FOXN3: variants seen among roughly 807,000 people sequenced by gnomAD.
FOXN3 encodes forkhead box N3, also known as forkhead box protein N3.
Under a neutral mutation model 38.4 loss-of-function variants are expected in FOXN3, and 7 were observed. The observed-to-expected ratio is 0.18, with a 90% CI of 0.10 to 0.34. The LOEUF (loss-of-function observed/expected upper bound fraction) is 0.34. FOXN3 is among the 10% of genes least tolerant of loss of function. The pLI, the probability that FOXN3 is intolerant of heterozygous loss-of-function variation, is 1.00. For missense variants in FOXN3, 456 were observed against 613.4 expected (o/e 0.74, Z 2.71); for synonymous variants, 230 against 242.2 (o/e 0.95, Z 0.47).
At chr14:89,523,292 A>G (rs1894359108) in intron 1 of FOXN3, among the ~76,000 whole-genome samples, 1 of 152,176 alleles carries the variant, frequency 6.6e-6, no homozygotes, top group Non-Finnish European at 1.5e-5. Flanking sequence ...TTCTCTAGGT[A>G]CCTGATAGAA....
intron 1 of FOXN3, among the ~76,000 whole-genome samples, chr14:89,551,103 G>A (rs17717812): frequency 0.43 from 65,739 of 152,114 alleles, 17,691 homozygotes; most frequent in Non-Finnish European, 0.61. Flanking sequence ...TTCCTTGCCC[G>A]GGATAGAGGT....
chr14:89,545,365 G>T (rs1451452312), intron 1 of FOXN3, among the ~76,000 whole-genome samples: 1 of 152,208 alleles, frequency 6.6e-6, no homozygotes, highest in African/African-American at 2.4e-5. Flanking sequence ...ACCAAAACAA[G>T]AAGACGAGCA....
intron 2 of FOXN3, among the ~76,000 whole-genome samples, chr14:89,376,675 C>A (rs1375232406): frequency 1.3e-5 from 2 of 152,066 alleles, no homozygotes; most frequent in African/African-American, 4.8e-5. Flanking sequence ...CCTGGTGAGA[C>A]ATAATGGTTT....
At chr14:89,465,258 T>C (rs748896747) in intron 1 of FOXN3, among the ~76,000 whole-genome samples, 1 of 151,998 alleles carries the variant, frequency 6.6e-6, no homozygotes. Context: ...GAAGACAGAG[T>C]CTTGCTCTGT....
At chr14:89,282,585 T>G (rs1475617108) in intron 3 of FOXN3, among the ~76,000 whole-genome samples, 5 of 152,230 alleles carry the variant, frequency 3.3e-5, no homozygotes, top group Non-Finnish European at 7.3e-5. Flanking sequence ...GATTTTACCA[T>G]CTAATTTTTA....
chr14:89,260,708 C>T (rs1354899748), intron 4 of FOXN3, among the ~76,000 whole-genome samples: 1 of 152,242 alleles, frequency 6.6e-6, no homozygotes, highest in Non-Finnish European at 1.5e-5. Context: ...GAAAGCTTCC[C>T]TACCCCCTAA....
At chr14:89,601,394 G>C (rs1052949377) in intron 1 of FOXN3, among the ~76,000 whole-genome samples, 2 of 152,210 alleles carry the variant, frequency 1.3e-5, no homozygotes, top group Non-Finnish European at 2.9e-5. Context: ...TAAAACGTCA[G>C]TGTGTTTTCC....
rs1458984053 is a variant in FOXN3, at chr14:89,355,258, C to G, written c.544-4450G>C. Reference sequence around the variant, plus strand: ...TTCTTTTTGTGGAAATGGAGTCTCACTCTGTCGTGCCCAGGCTGGAATGCA... The same window carrying G: ...TTCTTTTTGTGGAAATGGAGTCTCAGTCTGTCGTGCCCAGGCTGGAATGCA... On this transcript the variant is annotated intron_variant, in intron 2 of 5. Coordinates refer to ENST00000557258, the MANE Select transcript of FOXN3 (RefSeq NM_005197.4). The G allele has an allele frequency of 4.0e-5, 6 of 149,376 alleles. No individual in the cohort carries two copies. In the East Asian group the frequency reaches 1.2e-3, roughly 29 times the overall value. The allele number at this position is 149,376 out of a possible 1,614,324, so 9.3% of individuals were successfully genotyped here.
At chr14:89,496,705 A>C (rs1893690110) in intron 1 of FOXN3, among the ~76,000 whole-genome samples, 1 of 152,170 alleles carries the variant, frequency 6.6e-6, no homozygotes, top group Non-Finnish European at 1.5e-5. Flanking sequence ...AGTGGTATTA[A>C]ATATATTCAT....
chr14:89,245,477 A>G (rs1596128178), intron 4 of FOXN3, among the ~76,000 whole-genome samples: 2 of 5,990 alleles, frequency 3.3e-4, no homozygotes, highest in Middle Eastern at 0.056. Context: ...GGCATTGGAG[A>G]AAAAAAAAAA....
At chr14:89,212,920 T>TA (rs1596106659) in intron 4 of FOXN3, among the ~76,000 whole-genome samples, 2 of 152,264 alleles carry the variant, frequency 1.3e-5, no homozygotes, top group East Asian at 1.9e-4. Flanking sequence ...AGATACGTTA[T>TA]AAAAAACTCA....
chr14:89,604,115 C>T (rs574835206), intron 1 of FOXN3, among the ~76,000 whole-genome samples: 1 of 152,194 alleles, frequency 6.6e-6, no homozygotes, highest in East Asian at 1.9e-4. Context: ...CTGACAAAAA[C>T]AAATGCAAAT....
chr14:89,570,299 G>A (rs560109655), intron 1 of FOXN3, among the ~76,000 whole-genome samples: 26 of 151,828 alleles, frequency 1.7e-4, no homozygotes, highest in African/African-American at 5.8e-4. Context: ...GCATCCAGCC[G>A]GTACACTTGG....
At chr14:89,554,785 T>C (rs2036755239) in intron 1 of FOXN3, among the ~76,000 whole-genome samples, 3 of 59,716 alleles carry the variant, frequency 5.0e-5, no homozygotes, top group Admixed American at 3.0e-4. Flanking sequence ...AGCATTTCTT[T>C]TTTTTTTTTT....
intron 2 of FOXN3, among the ~76,000 whole-genome samples, chr14:89,366,023 G>A (rs1368135677): frequency 2.6e-5 from 4 of 152,076 alleles, no homozygotes; most frequent in African/African-American, 9.7e-5. Context: ...AGGCCGAGGC[G>A]GGTGGATCAC....
chr14:89,190,362 G>A (rs1191250066), intron 4 of FOXN3: 1 of 1,584,932 alleles, frequency 6.3e-7, no homozygotes, highest in Non-Finnish European at 8.7e-7. Flanking sequence ...TGGTGCTGTA[G>A]GCTATAGAAA....
At chr14:89,511,166 TTTC>T (rs1434246394) in intron 1 of FOXN3, among the ~76,000 whole-genome samples, 1,108 of 24,542 alleles carry the variant, frequency 0.045, 243 homozygotes, top group African/African-American at 0.069. Context: ...TCTTTCTTTC[TTTC>T]TTTCTTTCTT....
Position 89,159,852 on chromosome 14 carries a change from T to C in FOXN3, c.*2562A>G, listed in dbSNP as rs1887056879. 1 of 152,186 alleles carries C rather than the reference T, an allele frequency of 6.6e-6. No homozygotes were observed. The highest frequency in any genetic ancestry group is 2.4e-5 in the African/African-American group (1 of 41,432). The allele number at this position is 152,186 out of a possible 1,614,324, so 9.4% of individuals were successfully genotyped here. A position where few individuals can be genotyped will look rare whatever the true frequency, so the allele number is the denominator to read the frequency against. ...AACAGAGCACTGCGAAGATACTTTA[T>C]TCCCACCTACACCCTGAATAAATAT... On this transcript the variant is annotated 3_prime_UTR_variant, in exon 6 of 6. Transcript: ENST00000557258.
At chr14:89,336,158 ACACACACACAC>A (rs1888449528) in intron 3 of FOXN3, among the ~76,000 whole-genome samples, 1 of 145,194 alleles carries the variant, frequency 6.9e-6, no homozygotes, top group African/African-American at 2.5e-5. Flanking sequence ...ACACACACAC[ACACACACACAC>A]ACATTCATAA....
Sources: allele counts gnomAD v4.1 joint callset (sites outside exome capture counted in the v4.1 genomes callset), GRCh38; gene constraint gnomAD v4.1.1; transcripts MANE v1.5; gene names NCBI Gene and HGNC (gene_info 2026-07-23, HGNC 2026-07-21).